Variants in FAT3 observed in about 807,000 individuals in gnomAD.
FAT3 encodes protocadherin Fat 3.
A neutral mutation model predicts 310.2 loss-of-function variants in FAT3; 95 were observed. That is an observed-to-expected ratio of 0.31 (90% CI 0.26 to 0.36). The LOEUF (loss-of-function observed/expected upper bound fraction) is 0.36, where lower values mean the gene tolerates loss of function less well. FAT3 is among the 10% of genes least tolerant of loss of function. The probability of loss-of-function intolerance (pLI) is 1.00; values close to 1 mark genes in which losing one functional copy is unlikely to be tolerated. For missense variants in FAT3, 5,408 were observed against 5,715.6 expected (o/e 0.95, Z 1.74); for synonymous variants, 2,314 against 2,192.9 (o/e 1.06, Z -1.54).
chr11:92,234,632 G>A (rs952399583), intron 1 of FAT3, among the ~76,000 whole-genome samples: 2 of 152,020 alleles, frequency 1.3e-5, no homozygotes, highest in Non-Finnish European at 2.9e-5. Flanking sequence ...TGCCAGGCAC[G>A]GTGGCTCATG....
chr11:92,733,489 G>A (rs529619445), intron 4 of FAT3, among the ~76,000 whole-genome samples: 203 of 152,096 alleles, frequency 1.3e-3, no homozygotes, highest in Non-Finnish European at 2.1e-3. Context: ...CCAGATATGA[G>A]ATTGTGACTT....
chr11:92,321,200 G>A (rs1331780799), intron 1 of FAT3, among the ~76,000 whole-genome samples: 2 of 152,208 alleles, frequency 1.3e-5, no homozygotes, highest in Non-Finnish European at 2.9e-5. Flanking sequence ...ACTTTGGGAG[G>A]CCAAGGCAGG....
Position 92,353,686 on chromosome 11 carries a change from C to T in FAT3, c.1574C>T (p.Thr525Ile). 1 of 1,613,920 alleles carries T rather than the reference C, an allele frequency of 6.2e-7. No homozygotes were observed. The highest frequency in any genetic ancestry group is 8.5e-7 in the Non-Finnish European group (1 of 1,179,876). The change falls in exon 2 of 28, where the codon ACA becomes ATA. Residue 525 changes from threonine to isoleucine, a missense_variant. Transcript: ENST00000525166. ...NLLPFVINQF[T>I]GVISTTEELD... is the part of the protein sequence containing the mutation. The stretch of plus-strand genomic sequence containing the variant: ...TTACCATTTGTCATTAATCAGTTTA[C>T]AGGTGTTATTAGCACAACTGAAGAA...
At chr11:92,814,758 A>G (rs1947776973) in intron 13 of FAT3, among the ~76,000 whole-genome samples, 2 of 152,188 alleles carry the variant, frequency 1.3e-5, no homozygotes, top group African/African-American at 4.8e-5. Flanking sequence ...TACCTAATGC[A>G]TGTGGGAATT....
intron 2 of FAT3, among the ~76,000 whole-genome samples, chr11:92,512,564 T>A (rs1209477125): frequency 6.8e-6 from 1 of 147,238 alleles, no homozygotes; most frequent in Non-Finnish European, 1.5e-5. Context: ...TAAATATATA[T>A]AAATTATATT....
chr11:92,713,928 C>G (rs566784293), intron 4 of FAT3, among the ~76,000 whole-genome samples: 1 of 152,126 alleles, frequency 6.6e-6, no homozygotes, highest in Non-Finnish European at 1.5e-5. Context: ...AATTGGGAGA[C>G]TTGGTCACAT....
intron 3 of FAT3, among the ~76,000 whole-genome samples, chr11:92,658,971 G>T (rs1371173484): frequency 5.9e-5 from 9 of 151,724 alleles, no homozygotes; most frequent in Middle Eastern, 3.4e-3. Flanking sequence ...CATCAACATT[G>T]CCATCATTTT....
intron 2 of FAT3, among the ~76,000 whole-genome samples, chr11:92,482,554 T>G (rs1445994770): frequency 6.6e-6 from 1 of 152,220 alleles, no homozygotes; most frequent in Non-Finnish European, 1.5e-5. Flanking sequence ...GTTCTGACTT[T>G]CCAGCCTATC....
chr11:92,835,519 AAG>A (rs905107500), intron 15 of FAT3, among the ~76,000 whole-genome samples: 54 of 152,244 alleles, frequency 3.5e-4, no homozygotes, highest in African/African-American at 1.3e-3. Flanking sequence ...CAAAACGGCT[AAG>A]AGTAAGTTTC....
chr11:92,327,599 A>G (rs1331434991), intron 1 of FAT3, among the ~76,000 whole-genome samples: 2 of 152,250 alleles, frequency 1.3e-5, no homozygotes, highest in Non-Finnish European at 2.9e-5. Context: ...GATTAAATGT[A>G]TCTTTCCCAT....
At chr11:92,390,828 G>T (rs974680715) in intron 2 of FAT3, among the ~76,000 whole-genome samples, 1 of 152,110 alleles carries the variant, frequency 6.6e-6, no homozygotes, top group African/African-American at 2.4e-5. Context: ...CTGGGAGCAG[G>T]GTGAGCAAAA....
chr11:92,886,861 C>G, intron 24 of FAT3, 139 bp from the exon 25 acceptor site: 1 of 669,572 alleles, frequency 1.5e-6, no homozygotes, highest in East Asian at 2.8e-5. Flanking sequence ...AGTCAATTTT[C>G]TACTGTGGAG....
chr11:92,648,965 G>A (rs1942269781), intron 3 of FAT3, among the ~76,000 whole-genome samples: 1 of 152,134 alleles, frequency 6.6e-6, no homozygotes, highest in Admixed American at 6.5e-5. Context: ...TCTCCCTTCT[G>A]TTTTCATCTC....
chr11:92,324,036 C>T (rs913003992), intron 1 of FAT3, among the ~76,000 whole-genome samples: 1 of 152,188 alleles, frequency 6.6e-6, no homozygotes, highest in Non-Finnish European at 1.5e-5. Context: ...GCAGCTTCCT[C>T]AACTCTGTCA....
intron 14 of FAT3, among the ~76,000 whole-genome samples, chr11:92,833,861 T>C (rs1250694379): frequency 6.6e-6 from 1 of 152,238 alleles, no homozygotes; most frequent in Non-Finnish European, 1.5e-5. Context: ...AAGACTGGGA[T>C]GCAAAATAAG....
intron 2 of FAT3, among the ~76,000 whole-genome samples, chr11:92,434,344 G>A (rs1950878007): frequency 1.3e-5 from 2 of 152,072 alleles, no homozygotes; most frequent in African/African-American, 4.8e-5. Flanking sequence ...GTATAAAAAG[G>A]GCGCATGTCT....
At chr11:92,545,304 G>A (rs887198315) in intron 3 of FAT3, among the ~76,000 whole-genome samples, 3 of 151,892 alleles carry the variant, frequency 2.0e-5, no homozygotes, top group East Asian at 1.9e-4. Flanking sequence ...TCTTTTTATC[G>A]CTCATCACTA....
chr11:92,564,943 C>G, intron 3 of FAT3, among the ~76,000 whole-genome samples: 1 of 140,638 alleles, frequency 7.1e-6, no homozygotes, highest in Non-Finnish European at 1.6e-5. Context: ...AGGAAAGATC[C>G]AAAATTGACA....
chr11:92,247,340 T>TA (rs1554990149), intron 1 of FAT3, among the ~76,000 whole-genome samples: 1 of 151,668 alleles, frequency 6.6e-6, no homozygotes, highest in Non-Finnish European at 1.5e-5. Context: ...TTTTTTTTTT[T>TA]ACTTTTGTAG....
Sources: allele counts gnomAD v4.1 joint callset (sites outside exome capture counted in the v4.1 genomes callset), GRCh38; gene constraint gnomAD v4.1.1; transcripts MANE v1.5; gene names NCBI Gene and HGNC (gene_info 2026-07-23, HGNC 2026-07-21).